The following MAF variants were observed in gnomAD, a reference collection of about 807,000 sequenced individuals.
MAF encodes the protein transcription factor Maf.
MAF carries 10 observed loss-of-function variants against 22.0 expected under a neutral mutation model. The ratio of observed to expected loss-of-function variants is 0.45; its 90% CI spans 0.28 to 0.77. The LOEUF (loss-of-function observed/expected upper bound fraction) is 0.77. MAF is among the 30% of genes least tolerant of loss of function. The pLI is 0.12. For synonymous variants in MAF, 337 were observed against 255.8 expected (o/e 1.32, Z -3.03); for missense variants, 544 against 548.4 (o/e 0.99, Z 0.08).
the MAF span, among the ~76,000 whole-genome samples, chr16:79,467,009 C>T: frequency 2.0e-5 from 3 of 152,228 alleles, no homozygotes; most frequent in East Asian, 1.9e-4. Flanking sequence ...CACTCCTGGC[C>T]GCCTCCAAGC....
the MAF span, among the ~76,000 whole-genome samples, chr16:79,344,709 CT>C: frequency 6.6e-6 from 1 of 152,272 alleles, no homozygotes; most frequent in Admixed American, 6.5e-5. Context: ...TACTGAAACA[CT>C]GATTTTTGGG....
the MAF span, among the ~76,000 whole-genome samples, chr16:79,579,282 C>A: frequency 6.6e-6 from 1 of 152,180 alleles, no homozygotes; most frequent in African/African-American, 2.4e-5. Flanking sequence ...TATATCCCAT[C>A]AATGTATCCT....
chr16:79,287,049 G>C, the MAF span, among the ~76,000 whole-genome samples: 1 of 152,046 alleles, frequency 6.6e-6, no homozygotes, highest in Admixed American at 6.5e-5. Flanking sequence ...CTGACTGTGG[G>C]AGCAGGGAGC....
the MAF span, among the ~76,000 whole-genome samples, chr16:79,275,255 C>T: frequency 6.6e-6 from 1 of 152,118 alleles, no homozygotes; most frequent in East Asian, 1.9e-4. Flanking sequence ...ATTCAGGAGG[C>T]TGAGGCAGAA....
the MAF span, among the ~76,000 whole-genome samples, chr16:79,360,724 G>A: frequency 6.6e-6 from 1 of 152,100 alleles, no homozygotes; most frequent in Non-Finnish European, 1.5e-5. Context: ...AAGTGCTGTG[G>A]GCATTTCAAT....
intron 1 of MAF, chr16:79,597,850 A>G: frequency 9.7e-7 from 1 of 1,029,130 alleles, no homozygotes; most frequent in Non-Finnish European, 1.2e-6. Context: ...TCTTTGAAAC[A>G]GTTATAGTTC....
the MAF span, among the ~76,000 whole-genome samples, chr16:79,274,308 A>G: frequency 6.6e-6 from 1 of 150,922 alleles, no homozygotes; most frequent in Non-Finnish European, 1.5e-5. Context: ...CTGTGGCTTT[A>G]TGGCTCACAA....
the MAF span, among the ~76,000 whole-genome samples, chr16:79,230,131 G>C: frequency 6.6e-6 from 1 of 152,102 alleles, no homozygotes; most frequent in Non-Finnish European, 1.5e-5. Context: ...TGACTCTGTA[G>C]GCAAGCCCTA....
the MAF span, among the ~76,000 whole-genome samples, chr16:79,484,796 T>C: frequency 6.6e-6 from 1 of 152,206 alleles, no homozygotes; most frequent in African/African-American, 2.4e-5. Context: ...TGTGTGCATG[T>C]GCACGTGTGT....
chr16:79,290,452 A>T, the MAF span, among the ~76,000 whole-genome samples: 1 of 152,306 alleles, frequency 6.6e-6, no homozygotes, highest in African/African-American at 2.4e-5. Context: ...AAGGTAACAG[A>T]GGTCTGAGAG....
At chr16:79,446,374 G>A in the MAF span, among the ~76,000 whole-genome samples, 1 of 152,112 alleles carries the variant, frequency 6.6e-6, no homozygotes, top group Non-Finnish European at 1.5e-5. Flanking sequence ...CCTAGCTGGA[G>A]TGTCTGCGTC....
the MAF span, among the ~76,000 whole-genome samples, chr16:79,498,012 A>T: frequency 6.6e-6 from 1 of 152,188 alleles, no homozygotes; most frequent in Non-Finnish European, 1.5e-5. Flanking sequence ...AACTAAAGGG[A>T]CAGGAGCTGA....
chr16:79,217,989 A>G, the MAF span, among the ~76,000 whole-genome samples: 12 of 14,188 alleles, frequency 8.5e-4, no homozygotes, highest in Non-Finnish European at 1.1e-3. Context: ...GCTTATGTAA[A>G]AAAAAAAAAA....
chr16:79,467,115 G>A, the MAF span, among the ~76,000 whole-genome samples: 3 of 152,076 alleles, frequency 2.0e-5, no homozygotes, highest in African/African-American at 7.2e-5. Context: ...TTTCCATTGG[G>A]CCCAGGATGC....
the MAF span, among the ~76,000 whole-genome samples, chr16:79,303,714 G>C: frequency 6.6e-6 from 1 of 152,162 alleles, no homozygotes; most frequent in African/African-American, 2.4e-5. Context: ...ACACCCGTAA[G>C]AAAGAGTGCT....
the MAF span, among the ~76,000 whole-genome samples, chr16:79,436,590 C>T: frequency 6.6e-6 from 1 of 152,174 alleles, no homozygotes; most frequent in African/African-American, 2.4e-5. Flanking sequence ...TCATTTTGTT[C>T]ACCAGACTTG....
the MAF span, among the ~76,000 whole-genome samples, chr16:79,317,234 TCC>T: frequency 7.1e-6 from 1 of 139,916 alleles, no homozygotes; most frequent in Non-Finnish European, 1.6e-5. Context: ...TCTCCCTCCC[TCC>T]TTTCTCTCCT....
the MAF span, among the ~76,000 whole-genome samples, chr16:79,546,436 T>G: frequency 6.6e-6 from 1 of 152,186 alleles, no homozygotes; most frequent in Non-Finnish European, 1.5e-5. Flanking sequence ...ATAGAAAGTT[T>G]TGACAATTTT....
At chr16:79,416,616 A>T in the MAF span, among the ~76,000 whole-genome samples, 2 of 152,152 alleles carry the variant, frequency 1.3e-5, no homozygotes, top group Admixed American at 1.3e-4. Context: ...AGTTTTACAG[A>T]TGAAGAAATA....
Sources: gnomAD v4.1 joint callset for allele counts (sites outside exome capture counted in the v4.1 genomes callset) on GRCh38, gnomAD v4.1.1 for gene constraint, MANE v1.5 for transcripts, NCBI Gene and HGNC (gene_info 2026-07-23, HGNC 2026-07-21) for gene names.